The following NRG1 variants were observed in gnomAD, a reference collection of about 807,000 sequenced individuals.
NRG1 encodes pro-neuregulin-1, membrane-bound isoform.
A neutral mutation model predicts 63.8 loss-of-function variants in NRG1; 18 were observed. That is an observed-to-expected ratio of 0.28 (90% CI 0.19 to 0.42). The LOEUF is 0.42. Among genes scored for constraint, NRG1 ranks in the 10% least tolerant of loss-of-function variants. The probability of loss-of-function intolerance (pLI) is 1.00; values close to 1 mark genes in which losing one functional copy is unlikely to be tolerated. For synonymous variants in NRG1, 302 were observed against 301.3 expected, an observed-to-expected ratio of 1.00 and a Z score of -0.02; for missense variants, 762 against 814.7, an observed-to-expected ratio of 0.94 and a Z score of 0.79.
At chr8:32,685,462 C>T (rs1320616705) in intron 5 of NRG1, among the ~76,000 whole-genome samples, 1 of 152,142 alleles carries the variant, frequency 6.6e-6, no homozygotes, top group Non-Finnish European at 1.5e-5. Flanking sequence ...CCTCCACACT[C>T]CTACCTCCAC....
chr8:31,801,269 C>T (rs961064661), intron 1 of NRG1, among the ~76,000 whole-genome samples: 7 of 152,152 alleles, frequency 4.6e-5, no homozygotes, highest in Non-Finnish European at 1.0e-4. Flanking sequence ...TTAGAAAAAA[C>T]AGCCAGTTTT....
At chr8:32,482,531 A>G (rs1207520216) in intron 1 of NRG1, among the ~76,000 whole-genome samples, 1 of 152,128 alleles carries the variant, frequency 6.6e-6, no homozygotes, top group Non-Finnish European at 1.5e-5. Flanking sequence ...GGGCAGATCC[A>G]GGCTGGGATC....
chr8:32,318,528 CA>C (rs1475461154), intron 1 of NRG1, among the ~76,000 whole-genome samples: 1 of 152,142 alleles, frequency 6.6e-6, no homozygotes, highest in Non-Finnish European at 1.5e-5. Context: ...ATCCGAGCCT[CA>C]ACTAGAACCA....
chr8:32,103,950 C>A (rs938823646), intron 1 of NRG1, among the ~76,000 whole-genome samples: 1 of 152,138 alleles, frequency 6.6e-6, no homozygotes, highest in East Asian at 1.9e-4. Context: ...AAGAATTCAC[C>A]TGCTAAAAGA....
At chr8:32,385,272 G>A (rs1048646133) in intron 1 of NRG1, among the ~76,000 whole-genome samples, 4 of 151,876 alleles carry the variant, frequency 2.6e-5, no homozygotes, top group African/African-American at 4.8e-5. Flanking sequence ...TGATCCACCC[G>A]CCTTGGCCTC....
At chr8:32,075,090 T>C (rs928058134) in intron 1 of NRG1, among the ~76,000 whole-genome samples, 1 of 152,234 alleles carries the variant, frequency 6.6e-6, no homozygotes, top group Non-Finnish European at 1.5e-5. Flanking sequence ...AATGACCTAC[T>C]ATGTGTAACG....
chr8:31,964,503 A>G (rs1805995594), intron 1 of NRG1, among the ~76,000 whole-genome samples: 2 of 152,160 alleles, frequency 1.3e-5, no homozygotes, highest in African/African-American at 4.8e-5. Context: ...CTCTACAAAA[A>G]TAAAATTAAA....
chr8:32,688,174 G>A (rs546238661), intron 5 of NRG1, among the ~76,000 whole-genome samples: 49 of 152,258 alleles, frequency 3.2e-4, no homozygotes, highest in African/African-American at 1.2e-3. Context: ...CTACCAATAT[G>A]TTTAATGAGA....
intron 1 of NRG1, among the ~76,000 whole-genome samples, chr8:31,799,570 C>T (rs1821552698): frequency 6.6e-6 from 1 of 152,132 alleles, no homozygotes; most frequent in African/African-American, 2.4e-5. Flanking sequence ...TACACATACA[C>T]ATAATTAACA....
chr8:32,270,674 G>A (rs996905746), intron 1 of NRG1, among the ~76,000 whole-genome samples: 9 of 152,162 alleles, frequency 5.9e-5, no homozygotes, highest in African/African-American at 1.4e-4. Flanking sequence ...ATGAAGGTCC[G>A]AGTGAACTTT....
chr8:32,493,773 T>A (rs1826874743), intron 1 of NRG1, among the ~76,000 whole-genome samples: 1 of 152,214 alleles, frequency 6.6e-6, no homozygotes, highest in Non-Finnish European at 1.5e-5. Flanking sequence ...GTTGAAAGGA[T>A]GAACTTTGAC....
At chr8:32,667,111 G>A (rs1212610399) in intron 5 of NRG1, among the ~76,000 whole-genome samples, 2 of 152,152 alleles carry the variant, frequency 1.3e-5, no homozygotes, top group African/African-American at 4.8e-5. Flanking sequence ...TACACACCTA[G>A]GCTAATCGAT....
intron 1 of NRG1, among the ~76,000 whole-genome samples, chr8:32,097,903 G>A (rs1385798135): frequency 6.6e-6 from 1 of 152,122 alleles, no homozygotes; most frequent in Non-Finnish European, 1.5e-5. Context: ...GAATTGCCTA[G>A]AAAAGTCTGG....
chr8:32,253,725 T>C (rs914244594), intron 1 of NRG1, among the ~76,000 whole-genome samples: 2 of 152,208 alleles, frequency 1.3e-5, no homozygotes, highest in African/African-American at 2.4e-5. Flanking sequence ...TAGGGAGAAG[T>C]ACCTCTTTTT....
chr8:32,552,103 G>A (rs971507263), intron 1 of NRG1, among the ~76,000 whole-genome samples: 3 of 151,378 alleles, frequency 2.0e-5, no homozygotes, highest in East Asian at 1.9e-4. Context: ...TAGAGACAGG[G>A]TTTCACCATG....
At chr8:32,222,516 A>G (rs1313575926) in intron 1 of NRG1, among the ~76,000 whole-genome samples, 1 of 152,206 alleles carries the variant, frequency 6.6e-6, no homozygotes, top group Admixed American at 6.5e-5. Context: ...ACATAAAGAA[A>G]TCTTGACCCA....
chr8:32,056,675 GT>G (rs1822999122), intron 1 of NRG1, among the ~76,000 whole-genome samples: 1 of 152,176 alleles, frequency 6.6e-6, no homozygotes, highest in Non-Finnish European at 1.5e-5. Flanking sequence ...ACTCACTGCA[GT>G]CCTTGGCACT....
intron 1 of NRG1, among the ~76,000 whole-genome samples, chr8:31,642,820 A>G (rs1299549947): frequency 6.6e-6 from 1 of 152,250 alleles, no homozygotes; most frequent in African/African-American, 2.4e-5. Context: ...AACCTCAAAT[A>G]GATTTAGCTA....
At chr8:31,870,541 T>A (rs1829385212) in intron 1 of NRG1, among the ~76,000 whole-genome samples, 2 of 152,080 alleles carry the variant, frequency 1.3e-5, no homozygotes, top group Non-Finnish European at 2.9e-5. Context: ...CTTTTTCAGA[T>A]TTTCACCATT....
Sources: gnomAD v4.1 joint callset for allele counts (sites outside exome capture counted in the v4.1 genomes callset) on GRCh38, gnomAD v4.1.1 for gene constraint, MANE v1.5 for transcripts, NCBI Gene and HGNC (gene_info 2026-07-23, HGNC 2026-07-21) for gene names.